The following DLG2 variants were observed in gnomAD, a reference collection of about 807,000 sequenced individuals.
DLG2 encodes disks large homolog 2.
A neutral mutation model predicts 132.5 loss-of-function variants in DLG2; 45 were observed. The observed-to-expected ratio is 0.34, with a 90% confidence interval of 0.27 to 0.44. DLG2 has a LOEUF of 0.44. DLG2 is among the 20% of genes least tolerant of loss of function. The pLI, the probability that DLG2 is intolerant of heterozygous loss-of-function variation, is 1.00. For missense variants in DLG2, 1,045 were observed against 1,196.9 expected, an observed-to-expected ratio of 0.87 and a Z score of 1.87; for synonymous variants, 424 against 419.6, an observed-to-expected ratio of 1.01 and a Z score of -0.13.
At chr11:85,540,115 G>C (rs2075863844) in intron 3 of DLG2, among the ~76,000 whole-genome samples, 1 of 152,182 alleles carries the variant, frequency 6.6e-6, no homozygotes, top group Admixed American at 6.5e-5. Context: ...GCAGGGGGGT[G>C]GTGCAGGAAG....
chr11:85,066,681 T>TA (rs1049610244), intron 6 of DLG2, among the ~76,000 whole-genome samples: 3 of 151,106 alleles, frequency 2.0e-5, no homozygotes, highest in Admixed American at 1.3e-4. Flanking sequence ...ACAAAGTTAA[T>TA]AAAAAAAACT....
intron 9 of DLG2, among the ~76,000 whole-genome samples, chr11:84,147,996 ATAG>A (rs71463199): frequency 0.035 from 5,252 of 152,132 alleles, 138 homozygotes; most frequent in Non-Finnish European, 0.055. Flanking sequence ...TATGAAGTAG[ATAG>A]TAGTACCCCA....
chr11:84,895,830 G>T lies in DLG2; in HGVS notation c.357+215831C>A, dbSNP rs538755513. 1.3e-4 allele frequency among the ~76,000 whole-genome samples: 20 copies of T among 152,192 alleles called. No individual in the cohort carries two copies. The East Asian group carries it at 3.3e-3, about 25-fold the overall frequency. ...TGCACTATAATAATCATCTGAGAAT[G>T]GAGATTAAGTGACATCTTTGTATGA... On this transcript the variant is annotated intron_variant, in intron 6 of 27. Transcript: ENST00000376104.
intron 2 of DLG2, among the ~76,000 whole-genome samples, chr11:85,604,373 G>C (rs1461664231): frequency 6.6e-6 from 1 of 152,142 alleles, no homozygotes; most frequent in African/African-American, 2.4e-5. Flanking sequence ...TCTGGTTAAT[G>C]AAAGTTTGAA....
intron 17 of DLG2, among the ~76,000 whole-genome samples, chr11:83,795,297 A>G (rs2042509287): frequency 6.6e-6 from 1 of 152,082 alleles, no homozygotes; most frequent in African/African-American, 2.4e-5. Context: ...AGTCCCAGCT[A>G]CTTGGGAGGC....
chr11:84,720,837 TGAA>T (rs573052708), intron 6 of DLG2: 43 of 150,364 alleles, frequency 2.9e-4, no homozygotes, highest in African/African-American at 4.2e-4. Flanking sequence ...TTATTCCCTC[TGAA>T]GAAGAAGAAG....
chr11:84,924,241 C>G (rs777239151), intron 6 of DLG2, among the ~76,000 whole-genome samples: 6 of 152,084 alleles, frequency 3.9e-5, no homozygotes, highest in Non-Finnish European at 8.8e-5. Flanking sequence ...TTATTTCCAG[C>G]CTTGGGAAGC....
At chr11:84,846,142 A>G (rs371482584) in intron 6 of DLG2, among the ~76,000 whole-genome samples, 4 of 152,152 alleles carry the variant, frequency 2.6e-5, no homozygotes, top group African/African-American at 9.6e-5. Context: ...CCTCTTAAAT[A>G]TCATACATAT....
At chr11:85,466,150 G>C (rs1002322056) in intron 3 of DLG2, among the ~76,000 whole-genome samples, 8 of 151,996 alleles carry the variant, frequency 5.3e-5, no homozygotes, top group Non-Finnish European at 1.2e-4. Flanking sequence ...TTTTGATGGG[G>C]TTGCTTGTTT....
chr11:83,521,177 G>A (rs1445759249), intron 21 of DLG2, among the ~76,000 whole-genome samples: 1 of 152,184 alleles, frequency 6.6e-6, no homozygotes, highest in Non-Finnish European at 1.5e-5. Flanking sequence ...GTCTGGCTGT[G>A]TGACTGCACA....
chr11:84,922,808 T>C (rs2092816231), intron 6 of DLG2, among the ~76,000 whole-genome samples: 1 of 152,056 alleles, frequency 6.6e-6, no homozygotes, highest in African/African-American at 2.4e-5. Flanking sequence ...ATAATTTTCA[T>C]CTTTTCTTCC....
chr11:84,803,998 T>C (rs2075720783), intron 6 of DLG2, among the ~76,000 whole-genome samples: 1 of 152,180 alleles, frequency 6.6e-6, no homozygotes, highest in African/African-American at 2.4e-5. Context: ...TTAAATGACA[T>C]GATATACTCA....
At chr11:83,746,654 C>T (rs2153728097) in intron 18 of DLG2, among the ~76,000 whole-genome samples, 1 of 152,014 alleles carries the variant, frequency 6.6e-6, no homozygotes, top group South Asian at 2.1e-4. Flanking sequence ...TGCAGCACAC[C>T]AAAATGGCAC....
chr11:84,694,612 C>G (rs934554476), intron 6 of DLG2, among the ~76,000 whole-genome samples: 1 of 151,398 alleles, frequency 6.6e-6, no homozygotes, highest in East Asian at 1.9e-4. Context: ...TTTTTACTGG[C>G]CTACTTTGTT....
intron 3 of DLG2, among the ~76,000 whole-genome samples, chr11:85,386,383 A>G (rs1442064047): frequency 6.6e-6 from 1 of 152,176 alleles, no homozygotes; most frequent in Non-Finnish European, 1.5e-5. Flanking sequence ...AAGTGACAGA[A>G]CTAGGATTTG....
chr11:84,132,657 C>A (rs2094462398), intron 9 of DLG2, among the ~76,000 whole-genome samples: 1 of 151,916 alleles, frequency 6.6e-6, no homozygotes, highest in Non-Finnish European at 1.5e-5. Context: ...TACCTGATTT[C>A]AGAGTTTAGT....
At chr11:85,603,338 C>T (rs2080295028) in intron 2 of DLG2, among the ~76,000 whole-genome samples, 1 of 152,152 alleles carries the variant, frequency 6.6e-6, no homozygotes, top group Non-Finnish European at 1.5e-5. Context: ...AGTTACTTTA[C>T]TTACCACTGT....
intron 3 of DLG2, among the ~76,000 whole-genome samples, chr11:85,490,118 T>C (rs551166808): frequency 6.6e-6 from 1 of 151,924 alleles, no homozygotes; most frequent in Non-Finnish European, 1.5e-5. Flanking sequence ...AGCCCAAGAA[T>C]GTGAGACTGC....
In DLG2 at chr11:84,170,702, T is replaced by C. The variant is rs144021077; in HGVS notation, c.574-7191A>G. On this transcript the variant is annotated intron_variant, in intron 8 of 27. Coordinates refer to ENST00000376104, the MANE Select transcript of DLG2 (RefSeq NM_001142699.3). ...TGTTCTACTGGAGACAGCACTGACCTTAAGAGTCTGATGCTTGCATTGTAC... is the reference window on the plus strand; with the variant it reads ...TGTTCTACTGGAGACAGCACTGACCCTAAGAGTCTGATGCTTGCATTGTAC... 5.2e-4 allele frequency among the ~76,000 whole-genome samples: 79 copies of C among 152,314 alleles called. No homozygotes were observed. In the East Asian group the frequency reaches 0.013, roughly 25 times the overall value.
Sources: allele counts gnomAD v4.1 joint callset (sites outside exome capture counted in the v4.1 genomes callset), GRCh38; gene constraint gnomAD v4.1.1; transcripts MANE v1.5; gene names NCBI Gene and HGNC (gene_info 2026-07-23, HGNC 2026-07-21).